CNDP1: variants seen among roughly 807,000 people sequenced by gnomAD.
CNDP1 encodes carnosine dipeptidase 1, also known as beta-Ala-His dipeptidase.
Under a neutral mutation model 58.1 loss-of-function variants are expected in CNDP1, and 44 were observed. That is an observed-to-expected ratio of 0.76 (90% CI 0.60 to 0.97). CNDP1 has a LOEUF of 0.97. Ranked by LOEUF, CNDP1 falls within the 50% of genes least tolerant of loss-of-function variation. The pLI, the probability that CNDP1 is intolerant of heterozygous loss-of-function variation, is 0.00. For missense variants in CNDP1, 616 were observed against 655.1 expected (o/e 0.94, Z 0.65); for synonymous variants, 254 against 252.6 (o/e 1.01, Z -0.05).
chr18:74,565,722 G>C (rs1043128030), intron 5 of CNDP1, among the ~76,000 whole-genome samples: 1 of 152,176 alleles, frequency 6.6e-6, no homozygotes, highest in Non-Finnish European at 1.5e-5. Flanking sequence ...TGCTTTCATG[G>C]GCTGGCATTG....
At chr18:74,570,362 G>T (rs900246939) in intron 6 of CNDP1, among the ~76,000 whole-genome samples, 8 of 152,244 alleles carry the variant, frequency 5.3e-5, no homozygotes, top group Admixed American at 3.3e-4. Flanking sequence ...GTAAGGAAGA[G>T]ACTTTGATCT....
At chr18:74,553,046 A>G (rs1026542426) in intron 1 of CNDP1, among the ~76,000 whole-genome samples, 1 of 152,218 alleles carries the variant, frequency 6.6e-6, no homozygotes, top group African/African-American at 2.4e-5. Context: ...GCTGAGCCTA[A>G]ACTTTCCATG....
intron 7 of CNDP1, among the ~76,000 whole-genome samples, chr18:74,572,116 C>T (rs1389693040): frequency 2.6e-5 from 4 of 152,146 alleles, no homozygotes; most frequent in Non-Finnish European, 5.9e-5. Context: ...TTCAAGGTTG[C>T]TGTGGCCCCG....
chr18:74,562,668 A>G (rs1981232148), intron 5 of CNDP1, among the ~76,000 whole-genome samples: 1 of 152,216 alleles, frequency 6.6e-6, no homozygotes, highest in Non-Finnish European at 1.5e-5. Flanking sequence ...GGCTCTCTTT[A>G]GAAGTCCAAA....
chr18:74,575,534 C>G (rs1981609359), intron 7 of CNDP1, among the ~76,000 whole-genome samples: 3 of 152,160 alleles, frequency 2.0e-5, no homozygotes, highest in Admixed American at 2.0e-4. Context: ...GCGGTATTTA[C>G]TAAATCTCAA....
chr18:74,560,580 C>T (rs115516208), intron 3 of CNDP1, among the ~76,000 whole-genome samples: 2,220 of 152,128 alleles, frequency 0.015, 52 homozygotes, highest in African/African-American at 0.05. Flanking sequence ...TGGTGCACGT[C>T]TGTAGTCTCA....
rs111779843 is a variant in CNDP1, at chr18:74,583,647, G to T, written c.1396G>T (p.Val466Leu). ...CCAGGAGATCGTCCACAAGAGCGTG[G>T]TGCTAATTCCGCTGGGAGCTGTTGA... ...MFQEIVHKSV[V>L]LIPLGAVDDG... The change falls in exon 11 of 12, where the codon GTG (valine) becomes TTG (leucine). Residue 466 changes from valine (V) to leucine (L), a missense_variant. Coordinates refer to ENST00000358821, the MANE Select transcript of CNDP1 (RefSeq NM_032649.6). 1,459 of 1,614,130 alleles carry T rather than the reference G, an allele frequency of 9.0e-4. 12 individuals are homozygous for T. In the African/African-American group the frequency reaches 0.017, roughly 18 times the overall value.
chr18:74,581,718 C>A (rs754472260), intron 10 of CNDP1, among the ~76,000 whole-genome samples: 2 of 152,154 alleles, frequency 1.3e-5, no homozygotes, highest in African/African-American at 4.8e-5. Flanking sequence ...CTGGCTGTGG[C>A]GTCAGGGAGC....
At chr18:74,583,799 G>A (rs67670142) in intron 11 of CNDP1, 91 bp downstream of exon 11, 118,345 of 1,288,922 alleles carry the variant, frequency 0.092, 6,325 homozygotes, top group African/African-American at 0.22. Context: ...TTCAATTTAT[G>A]TGAGAATGGA....
chr18:74,574,517 G>C (rs1599100599), intron 7 of CNDP1, among the ~76,000 whole-genome samples: 1 of 152,158 alleles, frequency 6.6e-6, no homozygotes, highest in African/African-American at 2.4e-5. Flanking sequence ...TCAAATCCAA[G>C]ATGGCTGCTA....
At chr18:74,556,107 C>G (rs889860200) in intron 1 of CNDP1, among the ~76,000 whole-genome samples, 2 of 152,172 alleles carry the variant, frequency 1.3e-5, no homozygotes, top group African/African-American at 4.8e-5. Flanking sequence ...TAAAGATGAG[C>G]TTGTTAACTT....
chr18:74,557,369 C>G (rs1981070772), intron 2 of CNDP1, among the ~76,000 whole-genome samples: 1 of 152,128 alleles, frequency 6.6e-6, no homozygotes, highest in Non-Finnish European at 1.5e-5. Flanking sequence ...CTCTGCTTTA[C>G]CCCTAATTCA....
chr18:74,560,032 CAG>C (rs1203089709), intron 3 of CNDP1, among the ~76,000 whole-genome samples: 2 of 27,334 alleles, frequency 7.3e-5, no homozygotes. Flanking sequence ...TTTTTTGAGA[CAG>C]AGTCTTGCTC....
chr18:74,572,993 C>A (rs545672953), intron 7 of CNDP1, among the ~76,000 whole-genome samples: 7 of 152,286 alleles, frequency 4.6e-5, no homozygotes, highest in African/African-American at 1.7e-4. Context: ...TCTTCAGCAT[C>A]ATTTTTAGTT....
chr18:74,539,013 G>T (rs1304717069), intron 1 of CNDP1, among the ~76,000 whole-genome samples: 1 of 152,076 alleles, frequency 6.6e-6, no homozygotes, highest in Non-Finnish European at 1.5e-5. Context: ...CTAGGGTTCA[G>T]CTTATTTCTA....
intron 1 of CNDP1, among the ~76,000 whole-genome samples, chr18:74,537,785 C>T (rs568169289): frequency 1.3e-5 from 2 of 152,266 alleles, no homozygotes; most frequent in Admixed American, 6.5e-5. Flanking sequence ...CCAGGAAGCT[C>T]CTCTGGGGGG....
chr18:74,552,979 A>T (rs1450642645), intron 1 of CNDP1, among the ~76,000 whole-genome samples: 2 of 152,200 alleles, frequency 1.3e-5, no homozygotes, highest in African/African-American at 4.8e-5. Flanking sequence ...GCCATCATAG[A>T]GGGTAGGAAG....
At position 74,556,347 on chromosome 18, in the gene CNDP1, C is replaced by T. The variant is rs754048010; in HGVS notation, c.34C>T (p.Leu12=). ...DPKLGRMAAS[L]LAVLLLLLER... The stretch of plus-strand genomic sequence containing the variant: ...TGTCAAACCCTTCCAGGCTGCGTCC[C>T]TGCTGGCTGTGCTGCTGCTGCTGCT... Residue 12 remains leucine, a synonymous_variant, in exon 2 of 12, where the codon CTG becomes TTG. Transcript: ENST00000358821. 8 of 1,591,680 alleles carry T rather than the reference C, an allele frequency of 5.0e-6. No individual in the cohort carries two copies. The highest frequency in any genetic ancestry group is 2.4e-5 in the East Asian group (1 of 41,872).
rs1981179358 is a variant in CNDP1, at chr18:74,560,964, G to A, written c.412G>A (p.Ala138Thr). 1 of 1,614,154 alleles carries A rather than the reference G, an allele frequency of 6.2e-7. No homozygotes were observed. The highest frequency in any genetic ancestry group is 8.5e-7 in the Non-Finnish European group (1 of 1,180,014). ...CFYGHLDVQP[A>T]DRGDGWLTDP... ...CTACGGCCACTTGGACGTGCAGCCTGCTGACCGGGGCGATGGGTGGCTCAC... is the reference window on the plus strand; with the variant it reads ...CTACGGCCACTTGGACGTGCAGCCTACTGACCGGGGCGATGGGTGGCTCAC... Residue 138 changes from alanine to threonine, a missense_variant, in exon 4 of 12, where the codon GCT becomes ACT. Physicochemically the swap from Ala to Thr is moderately conservative, Grantham distance 58. Coordinates refer to ENST00000358821, the MANE Select transcript of CNDP1 (RefSeq NM_032649.6).
Sources: gnomAD v4.1 joint callset for allele counts (sites outside exome capture counted in the v4.1 genomes callset) on GRCh38, gnomAD v4.1.1 for gene constraint, MANE v1.5 for transcripts, NCBI Gene and HGNC (gene_info 2026-07-23, HGNC 2026-07-21) for gene names.